FAM161A: variants seen among roughly 807,000 people sequenced by gnomAD.
The protein encoded by FAM161A is FAM161 centrosomal protein A.
A neutral mutation model predicts 70.9 loss-of-function variants in FAM161A; 57 were observed. That is an observed-to-expected ratio of 0.80 (90% confidence interval 0.65 to 1.00). FAM161A has a LOEUF of 1.00. Ranked by LOEUF, FAM161A falls within the 50% of genes least tolerant of loss-of-function variation. The pLI is 0.00. For synonymous variants in FAM161A, 299 were observed against 295.7 expected (o/e 1.01, Z -0.12); for missense variants, 880 against 836.0 (o/e 1.05, Z -0.65).
rs770703115 is a variant in FAM161A, at chr2:61,840,384, C to G, written c.620G>C (p.Cys207Ser). ...TTTACAGCGAATATAATCCTCAACA[C>G]AAAAGTCTGTCCACATATTGTTGAT... ...ELINNMWTDF[C>S]VEDYIRCKDT... Residue 207 changes from cysteine to serine, a missense_variant, in exon 3 of 7, where the codon TGT becomes TCT. Transcript: ENST00000404929. 15 of 1,614,100 alleles carry G rather than the reference C, an allele frequency of 9.3e-6. No individual in the cohort carries two copies. Among genetic ancestry groups the G allele is most frequent in the Non-Finnish European group, 1.3e-5 (15 of 1,180,010 alleles).
At chr2:61,832,256 A>AG (rs1385341959) in intron 5 of FAM161A, among the ~76,000 whole-genome samples, 1 of 151,526 alleles carries the variant, frequency 6.6e-6, no homozygotes, top group East Asian at 1.9e-4. Flanking sequence ...CACACAAAAA[A>AG]AAACCAACAA....
downstream of FAM161A, among the ~76,000 whole-genome samples, chr2:61,823,362 CATATATATATAT>C (rs59631970): frequency 2.5e-5 from 3 of 120,050 alleles, no homozygotes; most frequent in Non-Finnish European, 3.6e-5. Flanking sequence ...AATTTTCCAT[CATATATATATAT>C]ATATATATAT....
At chr2:61,804,649 C>A in the FAM161A span, among the ~76,000 whole-genome samples, 1 of 150,466 alleles carries the variant, frequency 6.6e-6, no homozygotes, top group Non-Finnish European at 1.5e-5. Context: ...TGCAACACTG[C>A]ACTCCAGCCT....
At chr2:61,850,163 G>A (rs12991372) in intron 1 of FAM161A, among the ~76,000 whole-genome samples, 1 of 152,162 alleles carries the variant, frequency 6.6e-6, no homozygotes, top group East Asian at 1.9e-4. Context: ...TTGGGAGGCT[G>A]AGGCGGGCGG....
intron 4 of FAM161A, chr2:61,836,315 G>A (rs1284906477): frequency 9.7e-6 from 5 of 517,030 alleles, no homozygotes; most frequent in Non-Finnish European, 1.4e-5. Context: ...ATGGAATGCA[G>A]AATAAAATCC....
At chr2:61,853,781 C>G in intron 1 of FAM161A, 78 bp downstream of exon 1, 2 of 1,548,102 alleles carry the variant, frequency 1.3e-6, no homozygotes, top group Admixed American at 3.6e-5. Context: ...CTGCCCTCAG[C>G]TGGGCGGGGA....
At chr2:61,834,118 T>C (rs1672684380) in intron 5 of FAM161A, among the ~76,000 whole-genome samples, 1 of 152,102 alleles carries the variant, frequency 6.6e-6, no homozygotes, top group African/African-American at 2.4e-5. Flanking sequence ...CCATCAGCAG[T>C]GGATTGGATA....
the FAM161A span, among the ~76,000 whole-genome samples, chr2:61,804,768 G>GAAAGAAGAAAGAAAGAA: frequency 5.0e-5 from 6 of 119,038 alleles, no homozygotes; most frequent in African/African-American, 1.9e-4. Flanking sequence ...GAAAAAGAAA[G>GAAAGAAGAAAGAAAGAA]AGAAAGAAAG....
chr2:61,839,657 T>C lies in FAM161A; in HGVS notation c.1347A>G (p.Lys449=). The part of the protein sequence containing the change: ...QKHLSEHKSP[K]LLTVCKPFDL... ...CAAATGGTTTACACACTGTTAAGAG[T>C]TTTGGAGACTTGTGTTCTGAGAGGT... The change falls in exon 3 of 7, where the codon AAA becomes AAG. Residue 449 remains lysine, a synonymous_variant. Transcript: ENST00000404929. The C allele has an allele frequency of 6.2e-7, 1 of 1,613,978 alleles. No individual in the cohort carries two copies. The highest frequency in any genetic ancestry group is 1.7e-5 in the Admixed American group (1 of 60,002).
At chr2:61,816,680 A>T in the FAM161A span, among the ~76,000 whole-genome samples, 1 of 152,080 alleles carries the variant, frequency 6.6e-6, no homozygotes, top group Non-Finnish European at 1.5e-5. Flanking sequence ...TATGTTGCCC[A>T]GGCTGGTCTC....
the FAM161A span, among the ~76,000 whole-genome samples, chr2:61,801,984 G>C: frequency 1.3e-5 from 2 of 152,152 alleles, no homozygotes; most frequent in Non-Finnish European, 2.9e-5. Context: ...CTCTTCATTT[G>C]TAAAATGTAT....
At chr2:61,816,500 G>A in the FAM161A span, among the ~76,000 whole-genome samples, 4 of 151,932 alleles carry the variant, frequency 2.6e-5, no homozygotes, top group African/African-American at 7.3e-5. Context: ...TTGCTCTGTC[G>A]CCCAGGCTGG....
chr2:61,837,048 GT>G (rs1014788675), intron 4 of FAM161A, among the ~76,000 whole-genome samples: 1 of 152,062 alleles, frequency 6.6e-6, no homozygotes, highest in African/African-American at 2.4e-5. Flanking sequence ...TAAATTTTTT[GT>G]AGAGATGGGG....
intron 1 of FAM161A, among the ~76,000 whole-genome samples, chr2:61,848,211 A>C (rs1484996800): frequency 1.3e-5 from 2 of 152,232 alleles, no homozygotes; most frequent in Non-Finnish European, 2.9e-5. Flanking sequence ...AACCATATAG[A>C]AGAATGAGTA....
chr2:61,809,047 A>G, the FAM161A span, among the ~76,000 whole-genome samples: 1 of 152,006 alleles, frequency 6.6e-6, no homozygotes, highest in African/African-American at 2.4e-5. Context: ...TAATTTTTGT[A>G]TTTTTAGTAG....
At chr2:61,853,334 A>C (rs1673563418) in intron 1 of FAM161A, among the ~76,000 whole-genome samples, 1 of 152,134 alleles carries the variant, frequency 6.6e-6, no homozygotes, top group Non-Finnish European at 1.5e-5. Flanking sequence ...GCTGTACCCT[A>C]AAGAGCTGTT....
chr2:61,825,639 CTT>C lies in FAM161A; in HGVS notation c.*814_*815del, dbSNP rs759062810. The stretch of plus-strand genomic sequence containing the variant: ...TTGCAAGTATCCATTTTTTTCTATA[CTT>C]TTTTTTTTTTTTTGGAGACGGAGTC... On this transcript the variant is annotated 3_prime_UTR_variant, in exon 7 of 7. Coordinates refer to ENST00000404929, the MANE Select transcript of FAM161A (RefSeq NM_001201543.2). 4,684 of 376,962 alleles carry C rather than the reference CTT, an allele frequency of 0.012. No individual in the cohort carries two copies. The highest frequency in any genetic ancestry group is 0.023 in the Middle Eastern group (24 of 1,054). The allele number at this position is 376,962 out of a possible 1,614,324, so 23.4% of individuals were successfully genotyped here. A position where few individuals can be genotyped will look rare whatever the true frequency, so the allele number is the denominator to read the frequency against.
At chr2:61,833,059 G>A (rs917314955) in intron 5 of FAM161A, among the ~76,000 whole-genome samples, 4 of 152,006 alleles carry the variant, frequency 2.6e-5, no homozygotes, top group African/African-American at 9.7e-5. Context: ...TACATTGGTG[G>A]GGAATGAGGG....
chr2:61,835,150 G>A (rs1672725762), intron 5 of FAM161A, among the ~76,000 whole-genome samples: 1 of 152,188 alleles, frequency 6.6e-6, no homozygotes, highest in African/African-American at 2.4e-5. Context: ...GTACAGTTCT[G>A]TAACTATGCT....
Sources: gnomAD v4.1 joint callset for allele counts (sites outside exome capture counted in the v4.1 genomes callset) on GRCh38, gnomAD v4.1.1 for gene constraint, MANE v1.5 for transcripts, NCBI Gene and HGNC (gene_info 2026-07-23, HGNC 2026-07-21) for gene names.